The following TSC22D1 variants were observed in gnomAD, a reference collection of about 807,000 sequenced individuals.
The protein encoded by TSC22D1 is TSC22 domain family member 1, also known as TSC22 domain family protein 1.
In TSC22D1, 9 loss-of-function variants were observed where a neutral mutation model predicts 74.2. That is an observed-to-expected ratio of 0.12 (90% confidence interval 0.07 to 0.21). The LOEUF is 0.21. TSC22D1 is among the 10% of genes least tolerant of loss of function. TSC22D1 has a pLI of 1.00. For missense variants in TSC22D1, 1,427 were observed against 1,304.7 expected (o/e 1.09, Z -1.44); for synonymous variants, 586 against 492.5 (o/e 1.19, Z -2.51).
chr13:44,465,224 T>C (rs932204046), intron 1 of TSC22D1, among the ~76,000 whole-genome samples: 10 of 151,976 alleles, frequency 6.6e-5, no homozygotes, highest in African/African-American at 2.2e-4. Context: ...TGTGTGAAGG[T>C]TTAAAGCACA....
intron 1 of TSC22D1, chr13:44,536,765 T>C: frequency 3.0e-6 from 3 of 984,258 alleles, no homozygotes; most frequent in Middle Eastern, 1.0e-3. Flanking sequence ...AAAATTGAGG[T>C]ACAAAAATTG....
intron 1 of TSC22D1, among the ~76,000 whole-genome samples, chr13:44,549,788 A>AG (rs1882098238): frequency 6.6e-6 from 1 of 151,516 alleles, no homozygotes; most frequent in Admixed American, 6.6e-5. Context: ...AAAAAAAAAA[A>AG]AAAAAGAAGA....
intron 1 of TSC22D1, among the ~76,000 whole-genome samples, chr13:44,443,758 G>A (rs758260719): frequency 1.3e-5 from 2 of 152,158 alleles, no homozygotes; most frequent in African/African-American, 2.4e-5. Flanking sequence ...GATGTAAAAT[G>A]TATGACAAAG....
intron 1 of TSC22D1, among the ~76,000 whole-genome samples, chr13:44,550,152 TA>T (rs2138142275): frequency 6.6e-6 from 1 of 152,298 alleles, no homozygotes; most frequent in South Asian, 2.1e-4. Context: ...TGCTTTGATT[TA>T]AAAAGTATGT....
At chr13:44,462,533 A>G (rs1021585735) in intron 1 of TSC22D1, among the ~76,000 whole-genome samples, 15 of 152,332 alleles carry the variant, frequency 9.8e-5, no homozygotes, top group African/African-American at 3.6e-4. Flanking sequence ...TTTCAGTTAT[A>G]TGGATCACTA....
chr13:44,575,870 G>C lies in TSC22D1; in HGVS notation c.205C>G (p.Pro69Ala), dbSNP rs1253895215. The C allele has an allele frequency of 6.2e-7, 1 of 1,614,080 alleles. No homozygotes were observed. The highest frequency in any genetic ancestry group is 1.1e-5 in the South Asian group (1 of 91,076). Residue 69 changes from proline (P) to alanine (A), a missense_variant, in exon 1 of 3, where the codon CCT becomes GCT. Transcript: ENST00000458659. ...PPPSLLQPPP[P>A]AASSTSGPQP... ...GGTCCCGACGTAGAAGATGCTGCAG[G>C]GGGCGGCGGCTGAAGCAGCGACGGA...
intron 1 of TSC22D1, among the ~76,000 whole-genome samples, chr13:44,476,681 TTC>T: frequency 6.6e-6 from 1 of 152,182 alleles, no homozygotes. Flanking sequence ...TTTTTATATT[TTC>T]TTTTTCTTTT....
At chr13:44,487,450 G>A (rs563969742) in intron 1 of TSC22D1, among the ~76,000 whole-genome samples, 6 of 124,780 alleles carry the variant, frequency 4.8e-5, no homozygotes, top group South Asian at 2.6e-4. Flanking sequence ...AGTGAGCCGC[G>A]ATCGTGCCAC....
chr13:44,576,042 G>C lies in TSC22D1; in HGVS notation c.33C>G (p.Ala11=). 6.4e-7 allele frequency: 1 copy of C among 1,572,810 alleles called. No individual in the cohort carries two copies. The highest frequency in any genetic ancestry group is 1.8e-5 in the Admixed American group (1 of 54,070). The change falls in exon 1 of 3, where the codon GCC becomes GCG. Residue 11 remains alanine, a synonymous_variant. Coordinates refer to ENST00000458659, the MANE Select transcript of TSC22D1 (RefSeq NM_183422.4). ...TAGCGCTAATGTCTGCAGCGGCGGC[G>C]GCCGCGGCGGTGGACTCAGGCGGCT... MHQPPESTAA[A]AAAADISARK...
chr13:44,572,599 A>G (rs1883844101), intron 1 of TSC22D1, among the ~76,000 whole-genome samples: 1 of 152,222 alleles, frequency 6.6e-6, no homozygotes, highest in Non-Finnish European at 1.5e-5. Context: ...AGATAAAATG[A>G]CCATTAAATA....
At chr13:44,436,160 AG>A (rs2138848357) in intron 1 of TSC22D1, 65 bp from the exon 2 acceptor site, 1 of 1,532,406 alleles carries the variant, frequency 6.5e-7, no homozygotes, top group Non-Finnish European at 8.9e-7. Context: ...CAAGATAAAA[AG>A]GATCTCCCAA....
intron 1 of TSC22D1, among the ~76,000 whole-genome samples, chr13:44,457,637 C>CAAAAA (rs10692086): frequency 1.3e-4 from 11 of 85,420 alleles, no homozygotes; most frequent in East Asian, 3.8e-4. Context: ...AAGCAAATAG[C>CAAAAA]AAAAAAAAAA....
At chr13:44,534,110 C>T (rs997487967) in intron 1 of TSC22D1, among the ~76,000 whole-genome samples, 7 of 151,578 alleles carry the variant, frequency 4.6e-5, no homozygotes, top group African/African-American at 1.7e-4. Flanking sequence ...TACCTATAGT[C>T]CCAGCTTGAG....
intron 1 of TSC22D1, among the ~76,000 whole-genome samples, chr13:44,452,177 C>T (rs571421654): frequency 2.1e-4 from 32 of 152,124 alleles, no homozygotes; most frequent in Admixed American, 1.5e-3. Flanking sequence ...GGTTAAGTAA[C>T]GAGAAGTAAC....
At chr13:44,478,574 G>T (rs892771634) in intron 1 of TSC22D1, among the ~76,000 whole-genome samples, 1 of 152,040 alleles carries the variant, frequency 6.6e-6, no homozygotes, top group African/African-American at 2.4e-5. Flanking sequence ...AAATAATGGG[G>T]TATTTGAATT....
At chr13:44,481,684 T>C (rs547753432) in intron 1 of TSC22D1, among the ~76,000 whole-genome samples, 26 of 152,266 alleles carry the variant, frequency 1.7e-4, no homozygotes, top group African/African-American at 6.0e-4. Flanking sequence ...ATATCTACAG[T>C]CGTGGTCCAT....
chr13:44,469,532 G>T (rs964169297), intron 1 of TSC22D1, among the ~76,000 whole-genome samples: 5 of 152,090 alleles, frequency 3.3e-5, no homozygotes, highest in Non-Finnish European at 7.4e-5. Flanking sequence ...TGGTAATCTT[G>T]AAGTTCAGAG....
intron 1 of TSC22D1, among the ~76,000 whole-genome samples, chr13:44,439,172 A>G (rs1252822052): frequency 1.3e-5 from 2 of 152,236 alleles, no homozygotes; most frequent in Admixed American, 6.5e-5. Context: ...CTATTGAAGG[A>G]CATTACAGTT....
intron 1 of TSC22D1, among the ~76,000 whole-genome samples, chr13:44,551,312 T>G (rs60985110): frequency 0.012 from 1,455 of 125,118 alleles, 5 homozygotes; most frequent in African/African-American, 0.016. Context: ...CAGCTGGGGG[T>G]GTGTGTGTGT....
Sources: gnomAD v4.1 joint callset for allele counts (sites outside exome capture counted in the v4.1 genomes callset) on GRCh38, gnomAD v4.1.1 for gene constraint, MANE v1.5 for transcripts, NCBI Gene and HGNC (gene_info 2026-07-23, HGNC 2026-07-21) for gene names.